Variants in SERGEF observed in about 807,000 individuals in gnomAD.
SERGEF encodes secretion regulating guanine nucleotide exchange factor, also known as secretion-regulating guanine nucleotide exchange factor.
A neutral mutation model predicts 50.0 loss-of-function variants in SERGEF; 51 were observed. The observed-to-expected ratio is 1.02, with a 90% CI of 0.81 to 1.29. The LOEUF is 1.29. SERGEF is among the 50% of genes most tolerant of loss of function. SERGEF has a pLI of 0.00. For synonymous variants in SERGEF, 205 were observed against 212.4 expected (o/e 0.97, Z 0.30); for missense variants, 521 against 557.0 (o/e 0.94, Z 0.65).
chr11:17,835,941 A>G (rs1850390333), intron 10 of SERGEF, among the ~76,000 whole-genome samples: 1 of 152,200 alleles, frequency 6.6e-6, no homozygotes, highest in Non-Finnish European at 1.5e-5. Flanking sequence ...TCATCATCCT[A>G]CAATCCTAGG....
intron 8 of SERGEF, among the ~76,000 whole-genome samples, chr11:17,971,648 T>TAG (rs1169419269): frequency 1.3e-5 from 2 of 152,206 alleles, no homozygotes; most frequent in African/African-American, 2.4e-5. Flanking sequence ...AGAGCACTGA[T>TAG]AGAGGTGTAC....
chr11:17,893,980 CT>C (rs1158018571), intron 9 of SERGEF, among the ~76,000 whole-genome samples: 4 of 152,168 alleles, frequency 2.6e-5, no homozygotes, highest in African/African-American at 9.7e-5. Context: ...CTTCCTTGTG[CT>C]CCTCTCCCCT....
In SERGEF at chr11:17,853,246, C is replaced by T. The variant is rs569297571; in HGVS notation, c.1048+24962G>A. On this transcript the variant is annotated intron_variant, in intron 10 of 10. Coordinates refer to ENST00000265965, the MANE Select transcript of SERGEF (RefSeq NM_012139.4). ...AGTGCTTGGCGCCAAGGCAAACAATCAGTAAGTGTTAGCTGTCACTGTTTT... is the reference window on the plus strand; with the variant it reads ...AGTGCTTGGCGCCAAGGCAAACAATTAGTAAGTGTTAGCTGTCACTGTTTT... Among the ~76,000 whole-genome samples, 3 of 152,236 alleles carry T rather than the reference C, an allele frequency of 2.0e-5. No individual in the cohort carries two copies. The South Asian group carries it at 6.2e-4, about 32-fold the overall frequency.
At chr11:17,943,622 TC>T (rs1852600764) in intron 9 of SERGEF, among the ~76,000 whole-genome samples, 1 of 152,190 alleles carries the variant, frequency 6.6e-6, no homozygotes, top group East Asian at 1.9e-4. Flanking sequence ...TTACTCTTTT[TC>T]CAACTTCTAA....
chr11:18,001,968 C>A, intron 4 of SERGEF: 1 of 456,266 alleles, frequency 2.2e-6, no homozygotes, highest in Non-Finnish European at 4.4e-6. Flanking sequence ...GGCCTAAGCA[C>A]CAAATCCACA....
chr11:17,950,235 G>A (rs1852749889), intron 9 of SERGEF, among the ~76,000 whole-genome samples: 1 of 152,162 alleles, frequency 6.6e-6, no homozygotes, highest in African/African-American at 2.4e-5. Context: ...AGGAGACAGT[G>A]GTGAACAAGG....
intron 9 of SERGEF, among the ~76,000 whole-genome samples, chr11:17,891,833 A>AATT (rs1294380246): frequency 6.6e-6 from 1 of 152,210 alleles, no homozygotes; most frequent in Non-Finnish European, 1.5e-5. Context: ...TCTCAAAGCT[A>AATT]ATTATTAAAA....
chr11:17,946,167 C>G (rs1022927960), intron 9 of SERGEF, among the ~76,000 whole-genome samples: 2 of 152,130 alleles, frequency 1.3e-5, no homozygotes, highest in African/African-American at 2.4e-5. Flanking sequence ...CTAGGTCCCA[C>G]AGGGAGTCAA....
At chr11:17,850,060 G>A (rs1850684772) in intron 10 of SERGEF, among the ~76,000 whole-genome samples, 1 of 152,144 alleles carries the variant, frequency 6.6e-6, no homozygotes. Context: ...GGTATCTAGT[G>A]AGGGTCATGC....
chr11:17,928,457 C>T (rs920127204), intron 9 of SERGEF, among the ~76,000 whole-genome samples: 1 of 152,056 alleles, frequency 6.6e-6, no homozygotes, highest in African/African-American at 2.4e-5. Context: ...TGAAGACTCC[C>T]GCTTCCAAAT....
chr11:17,865,156 T>C (rs1310443530), intron 10 of SERGEF, among the ~76,000 whole-genome samples: 1 of 152,200 alleles, frequency 6.6e-6, no homozygotes, highest in Non-Finnish European at 1.5e-5. Flanking sequence ...AAAAAATTCC[T>C]ATTGCCTACT....
At chr11:17,833,703 G>A (rs957749068) in intron 10 of SERGEF, among the ~76,000 whole-genome samples, 27 of 152,220 alleles carry the variant, frequency 1.8e-4, no homozygotes, top group African/African-American at 6.5e-4. Flanking sequence ...TGCATCAAGT[G>A]ACCTGGATGT....
rs551819784 is a variant in SERGEF, at chr11:17,992,274, A to G, written c.685+657T>C. On this transcript the variant is annotated intron_variant, in intron 7 of 10. Coordinates refer to ENST00000265965, the MANE Select transcript of SERGEF (RefSeq NM_012139.4). The stretch of plus-strand genomic sequence containing the variant: ...TACATATCTAGAGTTAGATATATAG[A>G]CACACAGATTAGATATTACAAAGAT... Among the ~76,000 whole-genome samples, 4 of 152,340 alleles carry G rather than the reference A, an allele frequency of 2.6e-5. No homozygotes were observed. The South Asian group carries it at 8.3e-4, about 32-fold the overall frequency.
At chr11:17,802,327 TGAGTTCCAC>T (rs1849685495) in intron 10 of SERGEF, among the ~76,000 whole-genome samples, 1 of 152,184 alleles carries the variant, frequency 6.6e-6, no homozygotes, top group African/African-American at 2.4e-5. Flanking sequence ...GGAAGCCCAG[TGAGTTCCAC>T]TGGGCTCCCT....
At chr11:17,857,033 T>C (rs868083521) in intron 10 of SERGEF, among the ~76,000 whole-genome samples, 2 of 152,116 alleles carry the variant, frequency 1.3e-5, no homozygotes, top group African/African-American at 4.8e-5. Context: ...AAATGGAGAA[T>C]ATAATATCTC....
At chr11:17,983,522 C>G (rs2283235) in intron 8 of SERGEF, among the ~76,000 whole-genome samples, 48,571 of 152,050 alleles carry the variant, frequency 0.32, 9,265 homozygotes, top group East Asian at 0.5. Flanking sequence ...TACATCATCT[C>G]TTTTAATCCT....
intron 9 of SERGEF, among the ~76,000 whole-genome samples, chr11:17,955,314 A>G: frequency 6.6e-6 from 1 of 152,234 alleles, no homozygotes; most frequent in African/African-American, 2.4e-5. Flanking sequence ...CATACCTGGA[A>G]GTTCTTTGAG....
intron 10 of SERGEF, among the ~76,000 whole-genome samples, chr11:17,832,298 C>T (rs898509729): frequency 6.6e-6 from 1 of 152,168 alleles, no homozygotes; most frequent in African/African-American, 2.4e-5. Flanking sequence ...AAGAGGCATT[C>T]CCCTGCACAA....
chr11:17,830,648 GGGAGAGA>G (rs1565179415), intron 10 of SERGEF, among the ~76,000 whole-genome samples: 11 of 98,880 alleles, frequency 1.1e-4, no homozygotes, highest in Admixed American at 3.9e-4. Context: ...GGGAGAGGGA[GGGAGAGA>G]GAGAGAGAGA....
Sources: allele counts gnomAD v4.1 joint callset (sites outside exome capture counted in the v4.1 genomes callset), GRCh38; gene constraint gnomAD v4.1.1; transcripts MANE v1.5; gene names NCBI Gene and HGNC (gene_info 2026-07-23, HGNC 2026-07-21).